LDLRAD3: variants seen among roughly 807,000 people sequenced by gnomAD.
LDLRAD3 encodes low density lipoprotein receptor class A domain containing 3.
In LDLRAD3, 20 loss-of-function variants were observed where a neutral mutation model predicts 29.4. That is an observed-to-expected ratio of 0.68 (90% CI 0.48 to 0.99). LDLRAD3 has a LOEUF of 0.99. Ranked by LOEUF, LDLRAD3 falls within the 50% of genes least tolerant of loss-of-function variation. The pLI is 0.00. For synonymous variants in LDLRAD3, 157 were observed against 192.7 expected (o/e 0.81, Z 1.53); for missense variants, 420 against 454.3 (o/e 0.92, Z 0.69).
At chr11:35,962,643 C>T (rs1350160869) in intron 1 of LDLRAD3, among the ~76,000 whole-genome samples, 2 of 152,160 alleles carry the variant, frequency 1.3e-5, no homozygotes, top group South Asian at 2.1e-4. Flanking sequence ...TAGAAATGCC[C>T]TTTCTCTAAG....
At chr11:36,184,517 A>T (rs1854817481) in intron 4 of LDLRAD3, among the ~76,000 whole-genome samples, 1 of 152,100 alleles carries the variant, frequency 6.6e-6, no homozygotes, top group Non-Finnish European at 1.5e-5. Context: ...TCTTTGAAAA[A>T]TTATTTTTGG....
At chr11:36,043,821 A>G (rs1213778571) in intron 2 of LDLRAD3, among the ~76,000 whole-genome samples, 1 of 152,212 alleles carries the variant, frequency 6.6e-6, no homozygotes, top group Non-Finnish European at 1.5e-5. Flanking sequence ...TGAGCCTCAG[A>G]AAACATAACT....
chr11:36,076,562 A>G (rs575745728), intron 2 of LDLRAD3, among the ~76,000 whole-genome samples: 10 of 151,868 alleles, frequency 6.6e-5, no homozygotes, highest in South Asian at 2.1e-4. Context: ...ATTTTTTTGT[A>G]TATGTAGTAG....
intron 2 of LDLRAD3, among the ~76,000 whole-genome samples, chr11:36,077,105 A>C (rs189011032): frequency 6.6e-6 from 1 of 152,320 alleles, no homozygotes; most frequent in Non-Finnish European, 1.5e-5. Flanking sequence ...ACACAAGTAT[A>C]TGTTAAGTCA....
chr11:36,077,008 C>T (rs1175581550), intron 2 of LDLRAD3, among the ~76,000 whole-genome samples: 1 of 152,044 alleles, frequency 6.6e-6, no homozygotes, highest in Non-Finnish European at 1.5e-5. Context: ...TGAGTTTTCC[C>T]CACATGTGAT....
At chr11:35,955,657 A>G (rs1168695742) in intron 1 of LDLRAD3, among the ~76,000 whole-genome samples, 2 of 152,254 alleles carry the variant, frequency 1.3e-5, no homozygotes, top group Non-Finnish European at 2.9e-5. Context: ...ATTCATTAAA[A>G]AACAAATATC....
At chr11:36,068,821 A>G (rs920525383) in intron 2 of LDLRAD3, among the ~76,000 whole-genome samples, 1 of 152,046 alleles carries the variant, frequency 6.6e-6, no homozygotes, top group Non-Finnish European at 1.5e-5. Context: ...CAGCCCAGAA[A>G]CCTAGATGCT....
intron 2 of LDLRAD3, among the ~76,000 whole-genome samples, chr11:36,074,954 C>T (rs1852971775): frequency 6.6e-6 from 1 of 152,178 alleles, no homozygotes; most frequent in South Asian, 2.1e-4. Context: ...GAAAAGTCTG[C>T]TTGGAACATT....
At chr11:36,137,649 A>G (rs1448658148) in intron 4 of LDLRAD3, among the ~76,000 whole-genome samples, 1 of 152,236 alleles carries the variant, frequency 6.6e-6, no homozygotes, top group African/African-American at 2.4e-5. Flanking sequence ...GTGCCCGTGG[A>G]CAACATTGTA....
intron 4 of LDLRAD3, among the ~76,000 whole-genome samples, chr11:36,144,665 C>A (rs1854145263): frequency 1.4e-5 from 1 of 73,596 alleles, no homozygotes; most frequent in African/African-American, 6.8e-5. Context: ...GCCACACCGT[C>A]TGAGAAGTGA....
intron 1 of LDLRAD3, among the ~76,000 whole-genome samples, chr11:35,973,570 T>C (rs960145880): frequency 6.6e-6 from 1 of 152,136 alleles, no homozygotes; most frequent in Non-Finnish European, 1.5e-5. Flanking sequence ...GTTCAAGCTA[T>C]TCTTCTGCCT....
chr11:36,123,768 C>T (rs1181300450), intron 4 of LDLRAD3, among the ~76,000 whole-genome samples: 2 of 152,188 alleles, frequency 1.3e-5, no homozygotes, highest in African/African-American at 2.4e-5. Flanking sequence ...GGCACAGTGC[C>T]GACCCCCTGA....
intron 3 of LDLRAD3, among the ~76,000 whole-genome samples, chr11:36,082,248 C>T (rs530461435): frequency 7.9e-5 from 12 of 152,260 alleles, no homozygotes; most frequent in African/African-American, 2.9e-4. Context: ...GTGGCTTGCA[C>T]CTGTAATCCC....
intron 4 of LDLRAD3, among the ~76,000 whole-genome samples, chr11:36,130,345 T>A (rs2133305136): frequency 6.6e-6 from 1 of 152,174 alleles, no homozygotes; most frequent in African/African-American, 2.4e-5. Context: ...AACTCACAAA[T>A]GAAGTGTGCA....
chr11:36,147,506 A>G (rs751065577), intron 4 of LDLRAD3, among the ~76,000 whole-genome samples: 18 of 152,142 alleles, frequency 1.2e-4, no homozygotes, highest in African/African-American at 2.2e-4. Flanking sequence ...CCTTAACTCA[A>G]TTACATCTGC....
At chr11:36,048,330 C>G (rs1852481708) in intron 2 of LDLRAD3, among the ~76,000 whole-genome samples, 1 of 152,142 alleles carries the variant, frequency 6.6e-6, no homozygotes, top group Admixed American at 6.5e-5. Context: ...TGGGGGACAG[C>G]CTAGGATGGG....
chr11:35,957,056 C>G (rs917955171), intron 1 of LDLRAD3, among the ~76,000 whole-genome samples: 7 of 152,198 alleles, frequency 4.6e-5, no homozygotes, highest in African/African-American at 1.7e-4. Flanking sequence ...CCTGGCCACA[C>G]TTTATTTATA....
intron 1 of LDLRAD3, among the ~76,000 whole-genome samples, chr11:35,998,841 C>T (rs534441113): frequency 3.2e-4 from 48 of 152,310 alleles, no homozygotes; most frequent in African/African-American, 1.1e-3. Context: ...TGACACTTAG[C>T]GTCTTTAGGG....
chr11:36,115,568 C>A (rs1853662842), intron 4 of LDLRAD3, among the ~76,000 whole-genome samples: 1 of 152,168 alleles, frequency 6.6e-6, no homozygotes, highest in South Asian at 2.1e-4. Context: ...ACACGAAGGC[C>A]AGAAAGGCTA....
Sources: gnomAD v4.1 joint callset for allele counts (sites outside exome capture counted in the v4.1 genomes callset) on GRCh38, gnomAD v4.1.1 for gene constraint, MANE v1.5 for transcripts, NCBI Gene and HGNC (gene_info 2026-07-23, HGNC 2026-07-21) for gene names.